Variants in BCAS3 observed in about 807,000 individuals in gnomAD.
BCAS3 encodes the protein BCAS3 microtubule associated cell migration factor, also known as BCAS4/BCAS3 fusion.
In BCAS3, 53 loss-of-function variants were observed where a neutral mutation model predicts 116.1. The ratio of observed to expected loss-of-function variants is 0.46; its 90% confidence interval spans 0.37 to 0.57. The LOEUF (loss-of-function observed/expected upper bound fraction) is 0.57, where lower values mean the gene tolerates loss of function less well. BCAS3 is among the 20% of genes least tolerant of loss of function. The pLI is 0.00. For synonymous variants in BCAS3, 391 were observed against 408.2 expected (o/e 0.96, Z 0.51); for missense variants, 917 against 1,165.4 (o/e 0.79, Z 3.10).
intron 10 of BCAS3, among the ~76,000 whole-genome samples, chr17:60,901,870 G>C (rs2057917671): frequency 6.6e-6 from 1 of 152,108 alleles, no homozygotes; most frequent in African/African-American, 2.4e-5. Flanking sequence ...TTTTAAAAAT[G>C]TTAAACATAC....
intron 8 of BCAS3, among the ~76,000 whole-genome samples, chr17:60,871,408 G>T (rs1206490853): frequency 6.6e-6 from 1 of 152,080 alleles, no homozygotes; most frequent in Admixed American, 6.6e-5. Flanking sequence ...GGTTCAAGTG[G>T]TCCTCCTGCC....
chr17:60,882,797 C>T (rs1188802255), intron 9 of BCAS3, among the ~76,000 whole-genome samples: 2 of 146,318 alleles, frequency 1.4e-5, no homozygotes, highest in African/African-American at 5.3e-5. Flanking sequence ...TTCCATTGAT[C>T]TATATCTCTG....
At chr17:60,984,897 C>A (rs1476401037) in intron 14 of BCAS3, among the ~76,000 whole-genome samples, 1 of 149,342 alleles carries the variant, frequency 6.7e-6, no homozygotes, top group Non-Finnish European at 1.5e-5. Context: ...GTAATCCCAG[C>A]TATTTGGGAG....
chr17:61,075,334 A>G (rs1168533903), intron 20 of BCAS3, among the ~76,000 whole-genome samples: 1 of 152,150 alleles, frequency 6.6e-6, no homozygotes, highest in Non-Finnish European at 1.5e-5. Context: ...TTAATTTTTG[A>G]GACAGAGTCT....
In BCAS3 at chr17:61,020,324, C is replaced by T. The variant is rs1373156021; in HGVS notation, c.1637+4423C>T. ...TCTCACTGCGAGACATACATGAGGC[C>T]AGTAGAACTACAAATAGCAGAAGAC... On this transcript the variant is annotated intron_variant, in intron 16 of 23. Coordinates refer to ENST00000407086, the MANE Select transcript of BCAS3 (RefSeq NM_017679.5). The surrounding 1 kb of genome is among the most constrained non-coding windows in gnomAD (Gnocchi z 4.5). Among the ~76,000 whole-genome samples the T allele has an allele frequency of 5.9e-5, 9 of 152,274 alleles. No homozygotes were observed. In the South Asian group the frequency reaches 1.9e-3, roughly 32 times the overall value.
Position 61,198,870 on chromosome 17 carries a change from A to G in BCAS3, c.2425+114306A>G, listed in dbSNP as rs1006997184. On this transcript the variant is annotated intron_variant, in intron 22 of 23. Transcript: ENST00000407086. This position sits in a 1 kb window ranked among gnomAD's most constrained non-coding sequence, Gnocchi z 5.0. The stretch of plus-strand genomic sequence containing the variant: ...TGTGGATTGGTTTAACGTAATTGGA[A>G]GTTTGAAAGGTACATGTTTCTAAAG... Among the ~76,000 whole-genome samples, 2 of 152,204 alleles carry G rather than the reference A, an allele frequency of 1.3e-5. No individual in the cohort carries two copies. The highest frequency in any genetic ancestry group is 4.8e-5 in the African/African-American group (2 of 41,444).
At chr17:60,727,815 T>C (rs1398267570) in intron 5 of BCAS3, among the ~76,000 whole-genome samples, 2 of 151,560 alleles carry the variant, frequency 1.3e-5, no homozygotes, top group East Asian at 1.9e-4. Context: ...TTTTCCTTTT[T>C]TTTTTTTTTT....
intron 22 of BCAS3, among the ~76,000 whole-genome samples, chr17:61,291,339 T>G (rs544916744): frequency 6.6e-6 from 1 of 152,312 alleles, no homozygotes; most frequent in African/African-American, 2.4e-5. Context: ...TAAAGGCCAC[T>G]TTTAAACATT....
intron 22 of BCAS3, among the ~76,000 whole-genome samples, chr17:61,330,143 T>C (rs1252919171): frequency 1.3e-5 from 2 of 152,218 alleles, no homozygotes; most frequent in Non-Finnish European, 1.5e-5. Flanking sequence ...GTTCTTTTCA[T>C]AGGCTGAGAG....
intron 23 of BCAS3, among the ~76,000 whole-genome samples, chr17:61,382,351 C>G (rs2059645154): frequency 6.6e-6 from 1 of 151,436 alleles, no homozygotes; most frequent in Non-Finnish European, 1.5e-5. Flanking sequence ...ATGTCCGCCT[C>G]CCAGGTTCAA....
rs370474249 is a variant in BCAS3 at position 61,136,091 on chromosome 17, C to G, written c.2425+51527C>G. 1.4e-4 allele frequency: 21 copies of G among 154,208 alleles called. No individual in the cohort carries two copies. The highest frequency in any genetic ancestry group is 1.3e-3 in the East Asian group (7 of 5,216). The allele number at this position is 154,208 out of a possible 1,614,324, so 9.6% of individuals were successfully genotyped here. ...CGCCTGCCTTCCCCGCGACCGGCAGCCTGAGCTCTAACAATTCTCAACTAC... is the reference window on the plus strand; with the variant it reads ...CGCCTGCCTTCCCCGCGACCGGCAGGCTGAGCTCTAACAATTCTCAACTAC... On this transcript the variant is annotated intron_variant, in intron 22 of 23. Transcript: ENST00000407086. This position sits in a 1 kb window ranked among gnomAD's most constrained non-coding sequence, Gnocchi z 4.4.
At chr17:61,066,295 C>A (rs2070605938) in intron 19 of BCAS3, among the ~76,000 whole-genome samples, 1 of 152,102 alleles carries the variant, frequency 6.6e-6, no homozygotes, top group Middle Eastern at 3.2e-3. Flanking sequence ...AGAACAAAAC[C>A]AAACCAAATA....
chr17:60,830,715 GA>G (rs1290431401), intron 7 of BCAS3, among the ~76,000 whole-genome samples: 1 of 151,816 alleles, frequency 6.6e-6, no homozygotes, highest in Non-Finnish European at 1.5e-5. Context: ...TGAAAAACTT[GA>G]AAAAATTACA....
At chr17:60,886,334 T>G (rs2056633791) in intron 9 of BCAS3, 1 of 141,946 alleles carries the variant, frequency 7.0e-6, no homozygotes, top group Admixed American at 7.1e-5. Context: ...GTTATTCTAG[T>G]TATACATTCT....
Position 61,042,891 on chromosome 17 carries a change from C to CAAAAAAA in BCAS3, c.2029+2017_2029+2023dup, listed in dbSNP as rs35629825. ...GGCAACAGAGCAAGACTCCATCTCA[C>CAAAAAAA]AAAAAAAAAAAAAAAAAAAAAAAAG... On this transcript the variant is annotated intron_variant, in intron 19 of 23. Coordinates refer to ENST00000407086, the MANE Select transcript of BCAS3 (RefSeq NM_017679.5). 6.0e-3 allele frequency among the ~76,000 whole-genome samples: 349 copies of CAAAAAAA among 58,236 alleles called. 35 individuals carry two copies. The highest frequency in any genetic ancestry group is 0.018 in the African/African-American group (320 of 18,086). 38.2% of individuals were successfully genotyped at this position (58,236 alleles called of 152,430 possible).
rs538851477 is a variant in BCAS3 at position 61,142,901 on chromosome 17, C to T, written c.2425+58337C>T. 7.8e-4 allele frequency among the ~76,000 whole-genome samples: 118 copies of T among 152,216 alleles called. 4 individuals are homozygous for T. In the South Asian group the frequency reaches 0.024, roughly 31 times the overall value. ...AAAAGTTATTTGAAAGTACTGTTTC[C>T]ATGATTTTATAGTGGTCAGATTATG... On this transcript the variant is annotated intron_variant, in intron 22 of 23. Coordinates refer to ENST00000407086, the MANE Select transcript of BCAS3 (RefSeq NM_017679.5).
At position 61,205,635 on chromosome 17, in the gene BCAS3, C is replaced by T. The variant is rs1016005031; in HGVS notation, c.2425+121071C>T. ...ATGCTGTAGCGCCTCCTAACCCTGC[C>T]GTTGGTCTGGAGTGAAGCAGAGCAG... On this transcript the variant is annotated intron_variant, in intron 22 of 23. Transcript: ENST00000407086. The surrounding 1 kb of genome is among the most constrained non-coding windows in gnomAD (Gnocchi z 5.2). Among the ~76,000 whole-genome samples, 5 of 152,148 alleles carry T rather than the reference C, an allele frequency of 3.3e-5. No homozygotes were observed. The highest frequency in any genetic ancestry group is 2.1e-4 in the South Asian group (1 of 4,832).
At chr17:61,066,335 G>A (rs548311089) in intron 19 of BCAS3, among the ~76,000 whole-genome samples, 8 of 152,266 alleles carry the variant, frequency 5.3e-5, no homozygotes, top group Admixed American at 1.3e-4. Flanking sequence ...TCATAAATAA[G>A]CACTGCTCGA....
intron 19 of BCAS3, among the ~76,000 whole-genome samples, chr17:61,046,060 T>A (rs1177985146): frequency 4.3e-5 from 1 of 22,996 alleles, no homozygotes; most frequent in African/African-American, 3.1e-4. Context: ...ATATATATTA[T>A]ATATATATAA....
Sources: allele counts gnomAD v4.1 joint callset (sites outside exome capture counted in the v4.1 genomes callset), GRCh38; gene constraint gnomAD v4.1.1; non-coding constraint Gnocchi (gnomAD v3.1); transcripts MANE v1.5; gene names NCBI Gene and HGNC (gene_info 2026-07-23, HGNC 2026-07-21).